The following GRID2IP variants were observed in gnomAD, a reference collection of about 807,000 sequenced individuals.
GRID2IP encodes the protein delphilin.
GRID2IP carries 78 observed loss-of-function variants against 114.3 expected under a neutral mutation model. The ratio of observed to expected loss-of-function variants is 0.68; its 90% CI spans 0.57 to 0.82. The LOEUF (loss-of-function observed/expected upper bound fraction) is 0.82. Ranked by LOEUF, GRID2IP falls within the 40% of genes least tolerant of loss-of-function variation. The probability of loss-of-function intolerance (pLI) is 0.00; values close to 1 mark genes in which losing one functional copy is unlikely to be tolerated. For synonymous variants in GRID2IP, 809 were observed against 724.0 expected (o/e 1.12, Z -1.89); for missense variants, 1,727 against 1,678.5 (o/e 1.03, Z -0.51).
chr7:6,522,590 A>T (rs928817379), intron 4 of GRID2IP, among the ~76,000 whole-genome samples: 3 of 151,814 alleles, frequency 2.0e-5, no homozygotes, highest in African/African-American at 7.3e-5. Flanking sequence ...AGGCTCAAGC[A>T]GTCTTCCCAC....
chr7:6,522,906 C>T (rs565889960), intron 4 of GRID2IP, among the ~76,000 whole-genome samples: 1 of 152,048 alleles, frequency 6.6e-6, no homozygotes, highest in Non-Finnish European at 1.5e-5. Flanking sequence ...CTCAAGTGAT[C>T]CGCCCGCCTT....
intron 13 of GRID2IP, 85 bp from the exon 14 acceptor site, chr7:6,505,992 A>G: frequency 1.2e-6 from 1 of 862,090 alleles, no homozygotes; most frequent in South Asian, 1.5e-5. Context: ...GAGGGCTGCC[A>G]TAGGGGCTTC....
At position 6,538,670 on chromosome 7, in the gene GRID2IP, G is replaced by A. The variant is rs1429081774; in HGVS notation, c.584+1048C>T. On this transcript the variant is annotated intron_variant, in intron 2 of 21. Coordinates refer to ENST00000457091, the MANE Select transcript of GRID2IP (RefSeq NM_001145118.2). The stretch of plus-strand genomic sequence containing the variant: ...AGGTGGGTGGATCACTTGAGGTCAG[G>A]AGTTGGAGACCAGCCTGGCCAACAT... Among the ~76,000 whole-genome samples, 5 of 152,200 alleles carry A rather than the reference G, an allele frequency of 3.3e-5. No individual in the cohort carries two copies. The East Asian group carries it at 5.8e-4, about 18-fold the overall frequency.
chr7:6,522,094 A>C (rs1372661041), intron 4 of GRID2IP, 137 bp from the exon 5 acceptor site: 1 of 671,280 alleles, frequency 1.5e-6, no homozygotes, highest in Non-Finnish European at 2.6e-6. Flanking sequence ...TCACACCTGT[A>C]ACCTCAGCAC....
rs201225394 is a variant in GRID2IP, at chr7:6,516,121, T to A, written c.1269-1592A>T. 6.8e-4 allele frequency among the ~76,000 whole-genome samples: 46 copies of A among 67,714 alleles called. No individual in the cohort carries two copies. In the South Asian group the frequency reaches 6.8e-3, roughly 10 times the overall value. The allele number at this position is 67,714 out of a possible 152,430, so 44.4% of individuals were successfully genotyped here. On this transcript the variant is annotated intron_variant, in intron 7 of 21. Transcript: ENST00000457091. The surrounding 1 kb of genome is among the most constrained non-coding windows in gnomAD (Gnocchi z 4.3). ...CAAAATAATAATAATAAAAAATAAATAAATAAATAAATAAAAATAAAGTAG... is the reference window on the plus strand; with the variant it reads ...CAAAATAATAATAATAAAAAATAAAAAAATAAATAAATAAAAATAAAGTAG...
chr7:6,544,984 G>T (rs1437000606), intron 1 of GRID2IP, among the ~76,000 whole-genome samples: 1 of 152,168 alleles, frequency 6.6e-6, no homozygotes, highest in East Asian at 1.9e-4. Context: ...CTACTCGGGA[G>T]GCTGAGGCAG....
At chr7:6,525,022 T>C (rs1349556679) in intron 4 of GRID2IP, among the ~76,000 whole-genome samples, 2 of 151,944 alleles carry the variant, frequency 1.3e-5, no homozygotes, top group East Asian at 2.0e-4. Flanking sequence ...TAAAATAAAA[T>C]AGGCCGAGTG....
rs1320925381 is a variant in GRID2IP, at chr7:6,521,278, G to T, written c.1084+151C>A. On this transcript the variant is annotated intron_variant, in intron 6 of 21. Transcript: ENST00000457091. The surrounding 1 kb of genome is among the most constrained non-coding windows in gnomAD (Gnocchi z 4.1). ...GAGCCACCATGCCCAGCCTCACTGG[G>T]GTTCTATAGCACCACTTAGGAGGCA... 3 of 569,674 alleles carry T rather than the reference G, an allele frequency of 5.3e-6. No individual in the cohort carries two copies. The African/African-American group carries it at 5.7e-5, about 11-fold the overall frequency. 35.3% of individuals were successfully genotyped at this position (569,674 alleles called of 1,614,324 possible).
chr7:6,503,346 G>A (rs1786472297), intron 16 of GRID2IP, 145 bp downstream of exon 16: 4 of 988,752 alleles, frequency 4.0e-6, no homozygotes, highest in South Asian at 3.4e-5. Flanking sequence ...GATAGGACCC[G>A]GCCATTAAAG....
chr7:6,543,386 GCT>G (rs1779841909), intron 1 of GRID2IP, among the ~76,000 whole-genome samples: 1 of 147,422 alleles, frequency 6.8e-6, no homozygotes, highest in Non-Finnish European at 1.5e-5. Context: ...ACAGAGCGAG[GCT>G]CTGTCTCAAA....
intron 1 of GRID2IP, among the ~76,000 whole-genome samples, chr7:6,541,579 C>T (rs1562525261): frequency 1.3e-5 from 2 of 152,132 alleles, no homozygotes; most frequent in South Asian, 4.1e-4. Context: ...AATGAGCGTG[C>T]AAATGGACAC....
Position 6,521,311 on chromosome 7 carries a change from G to A in GRID2IP, c.1084+118C>T. 1 of 680,402 alleles carries A rather than the reference G, an allele frequency of 1.5e-6. No individual in the cohort carries two copies. The highest frequency in any genetic ancestry group is 2.2e-5 in the South Asian group (1 of 46,326). The allele number at this position is 680,402 out of a possible 1,614,324, so 42.1% of individuals were successfully genotyped here. The stretch of plus-strand genomic sequence containing the variant: ...AGCACCACTTAGGAGGCAGCCCCGG[G>A]GAGGCAAGCTGCAGGTTTAGGGGAA... On this transcript the variant is annotated intron_variant, in intron 6 of 21. Transcript: ENST00000457091. This position sits in a 1 kb window ranked among gnomAD's most constrained non-coding sequence, Gnocchi z 4.1.
chr7:6,543,189 G>A (rs1779838885), intron 1 of GRID2IP, among the ~76,000 whole-genome samples: 1 of 152,152 alleles, frequency 6.6e-6, no homozygotes, highest in Non-Finnish European at 1.5e-5. Context: ...GAAGTTAGGA[G>A]TTCGAGACCA....
chr7:6,510,993 C>A lies in GRID2IP; in HGVS notation c.1470G>T (p.Glu490Asp), dbSNP rs1267398159. The A allele has an allele frequency of 2.6e-6, 4 of 1,537,386 alleles. No homozygotes were observed. In the African/African-American group the frequency reaches 4.2e-5, roughly 16 times the overall value. The change falls in exon 9 of 22, where the codon GAG becomes GAT. Residue 490 changes from glutamate (E) to aspartate (D), a missense_variant. By Grantham distance (45) the Glu-to-Asp change is conservative. Transcript: ENST00000457091. ...ELDLESEPTP[E>D]PQPRSSLRAS... ...CCCGCAGGGAGCTCCGCGGCTGGGG[C>A]TCAGGCGTGGGCTCGGACTCCAGGT... is the stretch of plus-strand genomic sequence containing the variant.
At position 6,529,123 on chromosome 7, in the gene GRID2IP, G is replaced by A. The variant is rs1333888851; in HGVS notation, c.585-2354C>T. On this transcript the variant is annotated intron_variant, in intron 2 of 21. Coordinates refer to ENST00000457091, the MANE Select transcript of GRID2IP (RefSeq NM_001145118.2). Reference sequence around the variant, plus strand: ...GTCCAACCTGGGCAGGGGTCAAGAGGACATCACAGCTCTACCTTCCAGCAG... The same window carrying A: ...GTCCAACCTGGGCAGGGGTCAAGAGAACATCACAGCTCTACCTTCCAGCAG... Among the ~76,000 whole-genome samples, 5 of 152,078 alleles carry A rather than the reference G, an allele frequency of 3.3e-5. No individual in the cohort carries two copies. In the South Asian group the frequency reaches 1.0e-3, roughly 32 times the overall value.
At chr7:6,550,032 C>T (rs1485015856) in intron 1 of GRID2IP, among the ~76,000 whole-genome samples, 1 of 133,800 alleles carries the variant, frequency 7.5e-6, no homozygotes, top group Non-Finnish European at 1.8e-5. Context: ...ACTCCGTTAC[C>T]CAGGCTGGAA....
chr7:6,539,701 C>T lies in GRID2IP; in HGVS notation c.584+17G>A, dbSNP rs569316147. The T allele has an allele frequency of 2.0e-6, 3 of 1,537,458 alleles. No individual in the cohort carries two copies. Among genetic ancestry groups the T allele is most frequent in the Non-Finnish European group, 2.6e-6 (3 of 1,139,816 alleles). ...AGACCCACCCTGCCTGTCTATCCTG[C>T]CCCCTGCCCGCAGTACCTGAGGTTG... On this transcript the variant is annotated intron_variant, in intron 2 of 21. Transcript: ENST00000457091.
In GRID2IP at chr7:6,507,014, G is replaced by A. The variant is rs551300053; in HGVS notation, c.2544+971C>T. 1.4e-4 allele frequency among the ~76,000 whole-genome samples: 21 copies of A among 152,206 alleles called. No homozygotes were observed. The highest frequency in any genetic ancestry group is 1.9e-4 in the Non-Finnish European group (13 of 68,010). On this transcript the variant is annotated intron_variant, in intron 13 of 21. Transcript: ENST00000457091. This position sits in a 1 kb window ranked among gnomAD's most constrained non-coding sequence, Gnocchi z 5.3. ...GGCATCTTTATTAGCAACTTGGAAA[G>A]GGTCCCTGGAGATGTGGGCTGAGAA...
At chr7:6,514,812 TGTG>T (rs1263636553) in intron 7 of GRID2IP, among the ~76,000 whole-genome samples, 6 of 151,438 alleles carry the variant, frequency 4.0e-5, no homozygotes, top group Non-Finnish European at 8.8e-5. Flanking sequence ...ATTAGTCAGG[TGTG>T]GTGGTGCACA....
Sources: gnomAD v4.1 joint callset for allele counts (sites outside exome capture counted in the v4.1 genomes callset) on GRCh38, gnomAD v4.1.1 for gene constraint, Gnocchi (gnomAD v3.1) non-coding constraint, MANE v1.5 for transcripts, NCBI Gene and HGNC (gene_info 2026-07-23, HGNC 2026-07-21) for gene names.